LYPLAL1: variants seen among roughly 807,000 people sequenced by gnomAD.
LYPLAL1 encodes the protein lysophospholipase like 1.
A neutral mutation model predicts 19.7 loss-of-function variants in LYPLAL1; 23 were observed. That is an observed-to-expected ratio of 1.17 (90% CI 0.84 to 1.65). The LOEUF (loss-of-function observed/expected upper bound fraction) is 1.65, where lower values mean the gene tolerates loss of function less well. Among genes scored for constraint, LYPLAL1 ranks in the 40% most tolerant of loss-of-function variants. LYPLAL1 has a pLI of 0.00. For missense variants in LYPLAL1, 355 were observed against 279.4 expected, an observed-to-expected ratio of 1.27 and a Z score of -1.93; for synonymous variants, 119 against 96.3, an observed-to-expected ratio of 1.24 and a Z score of -1.38.
chr1:219,236,590 T>C, the LYPLAL1 span, among the ~76,000 whole-genome samples: 1 of 152,328 alleles, frequency 6.6e-6, no homozygotes, highest in Admixed American at 6.5e-5. Flanking sequence ...AGTCCATTCA[T>C]TCCTAAAATC....
the LYPLAL1 span, among the ~76,000 whole-genome samples, chr1:219,373,878 A>C: frequency 2.9e-4 from 5 of 17,132 alleles, no homozygotes; most frequent in Non-Finnish European, 6.0e-4. Context: ...AAAAAAAAAA[A>C]AAACAAAAAA....
the LYPLAL1 span, among the ~76,000 whole-genome samples, chr1:219,358,292 A>T: frequency 6.6e-6 from 1 of 152,352 alleles, no homozygotes; most frequent in South Asian, 2.1e-4. Context: ...AACTTTGGAA[A>T]TGAGTGAACT....
chr1:219,337,022 T>C, the LYPLAL1 span, among the ~76,000 whole-genome samples: 2 of 151,990 alleles, frequency 1.3e-5, no homozygotes, highest in African/African-American at 4.8e-5. Flanking sequence ...TCCCAGTTTT[T>C]AGAGGGTGCT....
At chr1:219,234,677 C>T in the LYPLAL1 span, among the ~76,000 whole-genome samples, 2 of 152,096 alleles carry the variant, frequency 1.3e-5, no homozygotes, top group African/African-American at 4.8e-5. Context: ...TGCTGTAAAA[C>T]ACCTCGAGAC....
At chr1:219,305,176 T>C in the LYPLAL1 span, among the ~76,000 whole-genome samples, 1 of 152,064 alleles carries the variant, frequency 6.6e-6, no homozygotes, top group Non-Finnish European at 1.5e-5. Context: ...AGTGTGGAGA[T>C]GAAAGGTACA....
intron 2 of LYPLAL1, 24 bp from the exon 3 acceptor site, chr1:219,193,058 T>TGGG (rs60036848): frequency 8.1e-4 from 966 of 1,192,314 alleles, no homozygotes; most frequent in Admixed American, 1.1e-3. Context: ...TCTTTTTTTT[T>TGGG]GGGGGGGGGC....
At chr1:219,268,839 T>C in the LYPLAL1 span, among the ~76,000 whole-genome samples, 1 of 152,228 alleles carries the variant, frequency 6.6e-6, no homozygotes, top group African/African-American at 2.4e-5. Flanking sequence ...GTCTACCCTG[T>C]GTAAGGTGCT....
intron 3 of LYPLAL1, among the ~76,000 whole-genome samples, chr1:219,203,889 A>G (rs1658323967): frequency 6.6e-6 from 1 of 152,200 alleles, no homozygotes; most frequent in African/African-American, 2.4e-5. Context: ...CTATTTTAAG[A>G]CTTCAGGAAT....
intron 3 of LYPLAL1, among the ~76,000 whole-genome samples, chr1:219,202,183 T>C (rs946813816): frequency 3.3e-5 from 5 of 152,244 alleles, no homozygotes; most frequent in African/African-American, 9.6e-5. Context: ...TCTTGGATGA[T>C]GGTAATAATA....
At chr1:219,350,755 A>T in the LYPLAL1 span, among the ~76,000 whole-genome samples, 1 of 152,216 alleles carries the variant, frequency 6.6e-6, no homozygotes, top group Non-Finnish European at 1.5e-5. Context: ...TAACCCAGGA[A>T]ACTCGATGAC....
chr1:219,389,967 A>G, the LYPLAL1 span, among the ~76,000 whole-genome samples: 1 of 152,150 alleles, frequency 6.6e-6, no homozygotes, highest in South Asian at 2.1e-4. Flanking sequence ...CTTGTTTATC[A>G]TTTGATTTTA....
In LYPLAL1 at chr1:219,193,129, G is replaced by T; in HGVS notation, c.239G>T (p.Arg80Ile). The part of the protein sequence containing the change: ...KGGISNVWFD[R>I]FKITNDCPEH... ...GGAATCTCCAATGTATGGTTTGACA[G>T]ATTTAAAATAACCAATGACTGCCCA... Residue 80 changes from arginine to isoleucine, a missense_variant, in exon 3 of 5, where the codon AGA (arginine) becomes ATA (isoleucine). Physicochemically the swap from Arg to Ile is moderately conservative, Grantham distance 97. Transcript: ENST00000366928. 1 of 1,607,000 alleles carries T rather than the reference G, an allele frequency of 6.2e-7. No individual in the cohort carries two copies. Among genetic ancestry groups the T allele is most frequent in the Non-Finnish European group, 8.5e-7 (1 of 1,175,708 alleles).
the LYPLAL1 span, among the ~76,000 whole-genome samples, chr1:219,345,819 TG>T: frequency 6.6e-6 from 1 of 152,206 alleles, no homozygotes; most frequent in African/African-American, 2.4e-5. Context: ...ATAGCAGGCT[TG>T]ACTCAAAGGC....
the LYPLAL1 span, among the ~76,000 whole-genome samples, chr1:219,332,820 C>CT: frequency 1.5e-5 from 1 of 66,606 alleles, no homozygotes; most frequent in Admixed American, 1.9e-4. Flanking sequence ...AGCTGATTTT[C>CT]TGCCCCCCCC....
chr1:219,343,853 C>T, the LYPLAL1 span, among the ~76,000 whole-genome samples: 1 of 138,478 alleles, frequency 7.2e-6, no homozygotes, highest in African/African-American at 2.6e-5. Context: ...TATCTACCCA[C>T]TATCCAACCA....
At chr1:219,282,723 T>G in the LYPLAL1 span, among the ~76,000 whole-genome samples, 1 of 152,116 alleles carries the variant, frequency 6.6e-6, no homozygotes, top group Non-Finnish European at 1.5e-5. Context: ...AATTCTATTT[T>G]TTTTCCAAAA....
chr1:219,417,477 A>G, the LYPLAL1 span, among the ~76,000 whole-genome samples: 1 of 152,330 alleles, frequency 6.6e-6, no homozygotes, highest in South Asian at 2.1e-4. Context: ...CATTCTAAGG[A>G]ATGGCCCTGT....
the LYPLAL1 span, among the ~76,000 whole-genome samples, chr1:219,233,953 A>G: frequency 6.6e-5 from 10 of 152,206 alleles, no homozygotes; most frequent in Non-Finnish European, 1.5e-5. Flanking sequence ...TTCTGAAAAA[A>G]GAGATGTAAT....
At chr1:219,204,143 T>C (rs1349992938) in intron 3 of LYPLAL1, among the ~76,000 whole-genome samples, 3 of 152,150 alleles carry the variant, frequency 2.0e-5, no homozygotes, top group East Asian at 3.8e-4. Flanking sequence ...AAGAAAAATG[T>C]TGATTTTTTA....
Sources: gnomAD v4.1 joint callset for allele counts (sites outside exome capture counted in the v4.1 genomes callset) on GRCh38, gnomAD v4.1.1 for gene constraint, MANE v1.5 for transcripts, NCBI Gene and HGNC (gene_info 2026-07-23, HGNC 2026-07-21) for gene names.